The following XKR4 variants were observed in gnomAD, a reference collection of about 807,000 sequenced individuals.
XKR4 encodes XK-related protein 4.
Under a neutral mutation model 53.9 loss-of-function variants are expected in XKR4, and 12 were observed. That is an observed-to-expected ratio of 0.22 (90% confidence interval 0.14 to 0.36). The LOEUF is 0.36. Among genes scored for constraint, XKR4 ranks in the 10% least tolerant of loss-of-function variants. The probability of loss-of-function intolerance (pLI) is 1.00; values close to 1 mark genes in which losing one functional copy is unlikely to be tolerated. For missense variants in XKR4, 799 were observed against 859.5 expected, an observed-to-expected ratio of 0.93 and a Z score of 0.88; for synonymous variants, 354 against 362.4, an observed-to-expected ratio of 0.98 and a Z score of 0.26.
intron 1 of XKR4, among the ~76,000 whole-genome samples, chr8:55,209,228 T>TG (rs60656681): frequency 3.3e-5 from 5 of 151,180 alleles, no homozygotes; most frequent in South Asian, 2.1e-4. Flanking sequence ...TGTGTGTGTG[T>TG]TATTCTTCTC....
intron 2 of XKR4, among the ~76,000 whole-genome samples, chr8:55,518,151 A>G (rs1806742940): frequency 6.6e-6 from 1 of 152,216 alleles, no homozygotes; most frequent in Admixed American, 6.5e-5. Flanking sequence ...TGTACATCCT[A>G]CGAAGCGTGC....
intron 1 of XKR4, among the ~76,000 whole-genome samples, 161 bp from the exon 2 acceptor site, chr8:55,357,517 C>A (rs1015513355): frequency 1.3e-5 from 2 of 152,198 alleles, no homozygotes; most frequent in South Asian, 4.1e-4. Context: ...AATATGGGTA[C>A]TCTTAAGCAG....
Position 55,526,621 on chromosome 8 carries a change from C to G in XKR4, c.*2394C>G, listed in dbSNP as rs1806886233. On this transcript the variant is annotated 3_prime_UTR_variant, in exon 3 of 3. Coordinates refer to ENST00000327381, the MANE Select transcript of XKR4 (RefSeq NM_052898.2). Reference sequence around the variant, plus strand: ...TCATTGTTTCCAAGACAACTTTTAACTGATGATCTTTGGAAATTGAGTTTC... The same window carrying G: ...TCATTGTTTCCAAGACAACTTTTAAGTGATGATCTTTGGAAATTGAGTTTC... 6.6e-6 allele frequency: 1 copy of G among 152,202 alleles called. No homozygotes were observed. Among genetic ancestry groups the G allele is most frequent in the Admixed American group, 6.5e-5 (1 of 15,286 alleles). The allele number at this position is 152,202 out of a possible 1,614,324, so 9.4% of individuals were successfully genotyped here. A position where few individuals can be genotyped will look rare whatever the true frequency, so the allele number is the denominator to read the frequency against.
At chr8:55,244,772 T>C (rs1818260255) in intron 1 of XKR4, among the ~76,000 whole-genome samples, 1 of 152,214 alleles carries the variant, frequency 6.6e-6, no homozygotes, top group African/African-American at 2.4e-5. Flanking sequence ...TGATGTGAGA[T>C]GACATCACAT....
chr8:55,290,611 G>C (rs140293587), intron 1 of XKR4, among the ~76,000 whole-genome samples: 214 of 152,008 alleles, frequency 1.4e-3, no homozygotes, highest in African/African-American at 4.7e-3. Flanking sequence ...CCAGTGTGTG[G>C]TGTTCCCCTC....
chr8:55,180,817 G>A (rs1018333062), intron 1 of XKR4, among the ~76,000 whole-genome samples: 1 of 152,060 alleles, frequency 6.6e-6, no homozygotes, highest in Non-Finnish European at 1.5e-5. Context: ...ACAGGTATAA[G>A]CCACCGCACC....
chr8:55,523,018 T>G (rs1806821009), intron 2 of XKR4, among the ~76,000 whole-genome samples: 1 of 151,904 alleles, frequency 6.6e-6, no homozygotes, highest in African/African-American at 2.4e-5. Context: ...AGTGGGCGCC[T>G]GTAGTCCCAG....
intron 1 of XKR4, among the ~76,000 whole-genome samples, chr8:55,273,480 T>A (rs1818722484): frequency 1.3e-5 from 2 of 152,190 alleles, no homozygotes; most frequent in Admixed American, 6.5e-5. Context: ...GCCACAAGAT[T>A]AGAAATTATG....
At chr8:55,463,067 G>T (rs961859789) in intron 2 of XKR4, among the ~76,000 whole-genome samples, 2 of 152,134 alleles carry the variant, frequency 1.3e-5, no homozygotes, top group Non-Finnish European at 2.9e-5. Context: ...ACAGATCAAC[G>T]AGACAGAAAG....
intron 2 of XKR4, among the ~76,000 whole-genome samples, chr8:55,502,668 ACTGT>A (rs1397286748): frequency 6.6e-6 from 1 of 151,962 alleles, no homozygotes; most frequent in African/African-American, 2.4e-5. Flanking sequence ...CCATTCTATG[ACTGT>A]CTTTTTACTC....
At chr8:55,368,916 C>G (rs2129385770) in intron 2 of XKR4, among the ~76,000 whole-genome samples, 1 of 152,308 alleles carries the variant, frequency 6.6e-6, no homozygotes, top group South Asian at 2.1e-4. Flanking sequence ...ATAAGTTCCC[C>G]TCCTTCAAAT....
chr8:55,513,676 G>T (rs1371843177), intron 2 of XKR4, among the ~76,000 whole-genome samples: 1 of 152,202 alleles, frequency 6.6e-6, no homozygotes, highest in East Asian at 1.9e-4. Context: ...ACACCAGGAG[G>T]TTCCATAGGT....
chr8:55,452,923 CTG>C, intron 2 of XKR4: 1 of 792,214 alleles, frequency 1.3e-6, no homozygotes, highest in Non-Finnish European at 2.2e-6. Flanking sequence ...TGGCTGAACA[CTG>C]TGCTCTCCTC....
At chr8:55,475,553 A>C (rs981065738) in intron 2 of XKR4, among the ~76,000 whole-genome samples, 9 of 151,624 alleles carry the variant, frequency 5.9e-5, no homozygotes, top group East Asian at 3.8e-4. Context: ...AATAGCTGGG[A>C]CTATAGGTGT....
At chr8:55,287,467 A>T (rs1482050921) in intron 1 of XKR4, among the ~76,000 whole-genome samples, 1 of 152,230 alleles carries the variant, frequency 6.6e-6, no homozygotes, top group Non-Finnish European at 1.5e-5. Context: ...AATATCCAAG[A>T]TGTTTCAGCT....
intron 1 of XKR4, among the ~76,000 whole-genome samples, chr8:55,257,929 C>A (rs1818463712): frequency 6.6e-6 from 1 of 152,132 alleles, no homozygotes; most frequent in Admixed American, 6.5e-5. Context: ...TCTTCCTGCC[C>A]CCAGTGGGAA....
chr8:55,338,727 A>C (rs1803500299), intron 1 of XKR4, among the ~76,000 whole-genome samples: 1 of 152,222 alleles, frequency 6.6e-6, no homozygotes, highest in Non-Finnish European at 1.5e-5. Flanking sequence ...GAGAACCGAG[A>C]GGACACAATC....
intron 2 of XKR4, chr8:55,517,462 G>A (rs1384708800): frequency 6.6e-6 from 1 of 152,008 alleles, no homozygotes; most frequent in East Asian, 1.9e-4. Context: ...GTCATGCCAA[G>A]GTATGTTAGG....
chr8:55,370,640 G>A (rs183488624), intron 2 of XKR4, among the ~76,000 whole-genome samples: 1 of 152,162 alleles, frequency 6.6e-6, no homozygotes, highest in Non-Finnish European at 1.5e-5. Context: ...CTACATAGGA[G>A]AGTTGTGATT....
Sources: gnomAD v4.1 joint callset for allele counts (sites outside exome capture counted in the v4.1 genomes callset) on GRCh38, gnomAD v4.1.1 for gene constraint, MANE v1.5 for transcripts, NCBI Gene and HGNC (gene_info 2026-07-23, HGNC 2026-07-21) for gene names.